The following FMNL2 variants were observed in gnomAD, a reference collection of about 807,000 sequenced individuals.
FMNL2 encodes formin-like protein 2.
FMNL2 carries 51 observed loss-of-function variants against 130.2 expected under a neutral mutation model. The ratio of observed to expected loss-of-function variants is 0.39; its 90% CI spans 0.31 to 0.49. The LOEUF (loss-of-function observed/expected upper bound fraction) is 0.49, where lower values mean the gene tolerates loss of function less well. Among genes scored for constraint, FMNL2 ranks in the 20% least tolerant of loss-of-function variants. The pLI is 0.85. For synonymous variants in FMNL2, 465 were observed against 467.1 expected (o/e 1.00, Z 0.06); for missense variants, 977 against 1,316.2 (o/e 0.74, Z 3.99).
chr2:152,404,495 G>A (rs566485842), intron 1 of FMNL2, among the ~76,000 whole-genome samples: 5 of 152,262 alleles, frequency 3.3e-5, no homozygotes, highest in South Asian at 2.1e-4. Context: ...AGAATTACTC[G>A]TAATGGGGTG....
chr2:152,622,812 G>GT (rs34011004), intron 15 of FMNL2, among the ~76,000 whole-genome samples: 3,143 of 136,772 alleles, frequency 0.023, 108 homozygotes, highest in African/African-American at 0.074. Context: ...CTGAGAAAAG[G>GT]TTTTTTTTTT....
intron 1 of FMNL2, among the ~76,000 whole-genome samples, chr2:152,466,726 C>T (rs1042508013): frequency 6.6e-6 from 1 of 152,146 alleles, no homozygotes; most frequent in Non-Finnish European, 1.5e-5. Context: ...GCATATACTG[C>T]CCTTTAAATA....
chr2:152,468,964 C>T (rs1190006668), intron 1 of FMNL2, among the ~76,000 whole-genome samples: 1 of 152,192 alleles, frequency 6.6e-6, no homozygotes, highest in Non-Finnish European at 1.5e-5. Context: ...ATAGACTCCA[C>T]ATAACATACA....
intron 1 of FMNL2, among the ~76,000 whole-genome samples, chr2:152,432,643 A>T (rs1687558162): frequency 6.6e-6 from 1 of 152,234 alleles, no homozygotes; most frequent in Non-Finnish European, 1.5e-5. Flanking sequence ...CTGCCATTGC[A>T]AGTAGACCTT....
At chr2:152,564,804 A>G (rs1695738740) in intron 6 of FMNL2, among the ~76,000 whole-genome samples, 1 of 23,218 alleles carries the variant, frequency 4.3e-5, no homozygotes, top group Non-Finnish European at 1.3e-4. Context: ...TTTTTAACCA[A>G]ATTCTAATGT....
At chr2:152,484,346 A>G (rs1690695052) in intron 1 of FMNL2, among the ~76,000 whole-genome samples, 1 of 152,204 alleles carries the variant, frequency 6.6e-6, no homozygotes, top group African/African-American at 2.4e-5. Context: ...ACTAGTTTAA[A>G]AGAGAGATAT....
At chr2:152,361,779 A>G (rs1683195578) in intron 1 of FMNL2, among the ~76,000 whole-genome samples, 1 of 152,146 alleles carries the variant, frequency 6.6e-6, no homozygotes, top group South Asian at 2.1e-4. Context: ...GTCTTAGAGC[A>G]TTGATATGGG....
At chr2:152,379,681 A>G (rs9678076) in intron 1 of FMNL2, among the ~76,000 whole-genome samples, 74,005 of 152,042 alleles carry the variant, frequency 0.49, 19,477 homozygotes, top group South Asian at 0.66. Context: ...TCAGTTTATG[A>G]AAGAATACTC....
At chr2:152,369,422 C>T (rs566307928) in intron 1 of FMNL2, among the ~76,000 whole-genome samples, 29 of 152,358 alleles carry the variant, frequency 1.9e-4, no homozygotes, top group African/African-American at 6.7e-4. Context: ...AGTTAAATTA[C>T]AGTCTATTGA....
At chr2:152,593,838 G>GGGGAGAGA (rs1553483419) in intron 9 of FMNL2, among the ~76,000 whole-genome samples, 13 of 85,008 alleles carry the variant, frequency 1.5e-4, no homozygotes, top group African/African-American at 4.6e-4. Context: ...AGGTGACTAG[G>GGGGAGAGA]GAGAGAGAGA....
At chr2:152,519,365 A>G (rs1209067103) in intron 1 of FMNL2, among the ~76,000 whole-genome samples, 3 of 152,156 alleles carry the variant, frequency 2.0e-5, no homozygotes, top group Admixed American at 1.3e-4. Context: ...GGGCTTGTAC[A>G]GGGGCAGTGC....
intron 1 of FMNL2, among the ~76,000 whole-genome samples, chr2:152,513,161 CT>C (rs1485679137): frequency 6.6e-6 from 1 of 152,124 alleles, no homozygotes; most frequent in African/African-American, 2.4e-5. Flanking sequence ...GAGACAGGTT[CT>C]GAGAAATACA....
intron 1 of FMNL2, among the ~76,000 whole-genome samples, chr2:152,439,042 C>A (rs1421103573): frequency 6.7e-6 from 1 of 150,306 alleles, no homozygotes; most frequent in Non-Finnish European, 1.5e-5. Context: ...CATTCAGATT[C>A]TTGGCTGGCC....
intron 1 of FMNL2, among the ~76,000 whole-genome samples, chr2:152,351,587 T>A (rs1220712975): frequency 6.6e-6 from 1 of 152,232 alleles, no homozygotes; most frequent in African/African-American, 2.4e-5. Flanking sequence ...ACATTTTCTT[T>A]ATCCAGTCTA....
rs1694954230 is a variant in FMNL2 at position 152,551,845 on chromosome 2, G to A, written c.359+2748G>A. ...AGCTTGGGTAACATAGTGAGACCTT[G>A]TGTCTACAAAAAAATAAAATATTAG... On this transcript the variant is annotated intron_variant, in intron 4 of 25. Coordinates refer to ENST00000288670, the MANE Select transcript of FMNL2 (RefSeq NM_052905.4). 3.3e-5 allele frequency among the ~76,000 whole-genome samples: 5 copies of A among 152,146 alleles called. No homozygotes were observed. The South Asian group carries it at 1.0e-3, about 32-fold the overall frequency.
intron 1 of FMNL2, among the ~76,000 whole-genome samples, chr2:152,492,108 T>C (rs1192485059): frequency 6.6e-6 from 1 of 152,170 alleles, no homozygotes; most frequent in East Asian, 1.9e-4. Context: ...TGGAAGGAGT[T>C]TGTGGGTTTC....
At chr2:152,541,523 C>T (rs903012782) in intron 2 of FMNL2, among the ~76,000 whole-genome samples, 3 of 152,162 alleles carry the variant, frequency 2.0e-5, no homozygotes, top group South Asian at 2.1e-4. Context: ...AACTGCTACT[C>T]AGATCAAGAA....
intron 1 of FMNL2, among the ~76,000 whole-genome samples, chr2:152,414,557 G>GGACTATCCTGTCTCTTTCTAGA (rs1686499052): frequency 6.6e-6 from 1 of 152,156 alleles, no homozygotes; most frequent in African/African-American, 2.4e-5. Context: ...TTCATAGCAA[G>GGACTATCCTGTCTCTTTCTAGA]GACTATCCTG....
At position 152,467,179 on chromosome 2, in the gene FMNL2, C is replaced by CT. The variant is rs35345464; in HGVS notation, c.118-54756dup. Reference sequence around the variant, plus strand: ...CTCCTTTCTTGCTGGTCATTTGGCTCTTTTTTTTCTGACAAGAGCTGGATC... The same window carrying CT: ...CTCCTTTCTTGCTGGTCATTTGGCTCTTTTTTTTTCTGACAAGAGCTGGATC... On this transcript the variant is annotated intron_variant, in intron 1 of 25. Coordinates refer to ENST00000288670, the MANE Select transcript of FMNL2 (RefSeq NM_052905.4). Among the ~76,000 whole-genome samples the CT allele has an allele frequency of 8.6e-3, 1,303 of 152,034 alleles. 11 individuals are homozygous for CT. Among genetic ancestry groups the CT allele is most frequent in the African/African-American group, 0.026 (1,059 of 41,472 alleles).
Sources: allele counts gnomAD v4.1 joint callset (sites outside exome capture counted in the v4.1 genomes callset), GRCh38; gene constraint gnomAD v4.1.1; transcripts MANE v1.5; gene names NCBI Gene and HGNC (gene_info 2026-07-23, HGNC 2026-07-21).